Variants in BCAS3 observed in about 807,000 individuals in gnomAD.
BCAS3 encodes the protein BCAS3 microtubule associated cell migration factor, also known as BCAS4/BCAS3 fusion.
Under a neutral mutation model 116.1 loss-of-function variants are expected in BCAS3, and 53 were observed. The ratio of observed to expected loss-of-function variants is 0.46; its 90% confidence interval spans 0.37 to 0.57. The LOEUF (loss-of-function observed/expected upper bound fraction) is 0.57. BCAS3 is among the 20% of genes least tolerant of loss of function. The pLI is 0.00. For synonymous variants in BCAS3, 391 were observed against 408.2 expected (o/e 0.96, Z 0.51); for missense variants, 917 against 1,165.4 (o/e 0.79, Z 3.10).
chr17:61,350,552 A>T (rs2143329604), intron 22 of BCAS3, among the ~76,000 whole-genome samples: 1 of 152,326 alleles, frequency 6.6e-6, no homozygotes, highest in South Asian at 2.1e-4. Context: ...TTATTCACAA[A>T]GCCAAGATAT....
chr17:61,323,735 G>A lies in BCAS3; in HGVS notation c.2426-44592G>A, dbSNP rs1252451389. ...GGCCACTTCCCTCCAAGGATTCAGG[G>A]ACCATTCATCACCGTGGTGCCTAGT... On this transcript the variant is annotated intron_variant, in intron 22 of 23. Coordinates refer to ENST00000407086, the MANE Select transcript of BCAS3 (RefSeq NM_017679.5). The surrounding 1 kb of genome is among the most constrained non-coding windows in gnomAD (Gnocchi z 4.6). Among the ~76,000 whole-genome samples the A allele has an allele frequency of 6.6e-6, 1 of 152,144 alleles. No homozygotes were observed. The highest frequency in any genetic ancestry group is 1.5e-5 in the Non-Finnish European group (1 of 68,036).
intron 22 of BCAS3, among the ~76,000 whole-genome samples, chr17:61,318,156 G>A (rs954820728): frequency 2.0e-5 from 3 of 152,228 alleles, no homozygotes; most frequent in Non-Finnish European, 4.4e-5. Flanking sequence ...GCCCTGGGAG[G>A]CGACTAGAAC....
At chr17:61,116,150 G>A (rs1283935642) in intron 22 of BCAS3, among the ~76,000 whole-genome samples, 1 of 151,734 alleles carries the variant, frequency 6.6e-6, no homozygotes, top group Non-Finnish European at 1.5e-5. Context: ...TAGATAACGA[G>A]TTAGTGGGTG....
At chr17:60,740,518 A>T (rs903935929) in intron 5 of BCAS3, among the ~76,000 whole-genome samples, 1 of 151,418 alleles carries the variant, frequency 6.6e-6, no homozygotes, top group Non-Finnish European at 1.5e-5. Context: ...AAAAAAAAGA[A>T]AAAAGAAAAA....
rs567616510 is a variant in BCAS3 at position 61,332,798 on chromosome 17, G to T, written c.2426-35529G>T. Among the ~76,000 whole-genome samples, 4 of 152,028 alleles carry T rather than the reference G, an allele frequency of 2.6e-5. No homozygotes were observed. Among genetic ancestry groups the T allele is most frequent in the South Asian group, 2.1e-4 (1 of 4,808 alleles). ...GCCTGGCTAATTTTTGTATTTTTAGGAGAGACGGGGTTTCACCATGTTAGC... is the reference window on the plus strand; with the variant it reads ...GCCTGGCTAATTTTTGTATTTTTAGTAGAGACGGGGTTTCACCATGTTAGC... On this transcript the variant is annotated intron_variant, in intron 22 of 23. Transcript: ENST00000407086. This position sits in a 1 kb window ranked among gnomAD's most constrained non-coding sequence, Gnocchi z 5.4.
intron 5 of BCAS3, among the ~76,000 whole-genome samples, chr17:60,739,868 G>T (rs1287047207): frequency 4.1e-5 from 6 of 146,920 alleles, no homozygotes; most frequent in Non-Finnish European, 7.4e-5. Flanking sequence ...AGAGGTTGCT[G>T]TTTTTTTTGT....
chr17:61,251,365 T>C lies in BCAS3; in HGVS notation c.2426-116962T>C, dbSNP rs1197601239. Reference sequence around the variant, plus strand: ...CGGGCGGATCACCTGAGGTCAGAGTTTGAGACCATCCTGGCCAATATGGCG... The same window carrying C: ...CGGGCGGATCACCTGAGGTCAGAGTCTGAGACCATCCTGGCCAATATGGCG... On this transcript the variant is annotated intron_variant, in intron 22 of 23. Coordinates refer to ENST00000407086, the MANE Select transcript of BCAS3 (RefSeq NM_017679.5). The surrounding 1 kb of genome is among the most constrained non-coding windows in gnomAD (Gnocchi z 4.7). 6.6e-6 allele frequency among the ~76,000 whole-genome samples: 1 copy of C among 152,098 alleles called. No homozygotes were observed. Among genetic ancestry groups the C allele is most frequent in the African/African-American group, 2.4e-5 (1 of 41,418 alleles).
chr17:61,088,530 A>G lies in BCAS3; in HGVS notation c.2425+3966A>G, dbSNP rs898962719. The stretch of plus-strand genomic sequence containing the variant: ...TTATAACCTGTGCCCTTCTTTTGAT[A>G]AAGATGTAGGACCTCTAAAGAGAAA... On this transcript the variant is annotated intron_variant, in intron 22 of 23. Coordinates refer to ENST00000407086, the MANE Select transcript of BCAS3 (RefSeq NM_017679.5). The surrounding 1 kb of genome is among the most constrained non-coding windows in gnomAD (Gnocchi z 4.2). Among the ~76,000 whole-genome samples the G allele has an allele frequency of 3.3e-5, 5 of 152,246 alleles. No homozygotes were observed. Among genetic ancestry groups the G allele is most frequent in the Non-Finnish European group, 7.3e-5 (5 of 68,054 alleles).
At chr17:61,272,391 G>T (rs2050359837) in intron 22 of BCAS3, among the ~76,000 whole-genome samples, 1 of 151,984 alleles carries the variant, frequency 6.6e-6, no homozygotes. Context: ...CCAGCACTTT[G>T]GGAGGCTGAG....
rs1277684958 is a variant in BCAS3 at position 61,106,600 on chromosome 17, T to C, written c.2425+22036T>C. Among the ~76,000 whole-genome samples, 1 of 152,258 alleles carries C rather than the reference T, an allele frequency of 6.6e-6. No homozygotes were observed. The highest frequency in any genetic ancestry group is 1.5e-5 in the Non-Finnish European group (1 of 68,048). ...ATGCGTGGGTGTATAGTGTTGGTAC[T>C]GTCCATGGTTTCAGGCATCCACTGG... On this transcript the variant is annotated intron_variant, in intron 22 of 23. Coordinates refer to ENST00000407086, the MANE Select transcript of BCAS3 (RefSeq NM_017679.5). This position sits in a 1 kb window ranked among gnomAD's most constrained non-coding sequence, Gnocchi z 4.2.
intron 6 of BCAS3, among the ~76,000 whole-genome samples, chr17:60,750,307 G>A (rs2042348263): frequency 6.6e-6 from 1 of 152,058 alleles, no homozygotes; most frequent in African/African-American, 2.4e-5. Context: ...AAAAGTTTTA[G>A]CAAACTAGGA....
At chr17:61,135,122 T>A (rs1299774166) in intron 22 of BCAS3, among the ~76,000 whole-genome samples, 1 of 152,210 alleles carries the variant, frequency 6.6e-6, no homozygotes, top group Non-Finnish European at 1.5e-5. Context: ...ATGCTTCTTA[T>A]AATGACATGA....
intron 6 of BCAS3, among the ~76,000 whole-genome samples, chr17:60,751,566 G>A (rs2042467617): frequency 2.0e-5 from 3 of 146,362 alleles, no homozygotes; most frequent in South Asian, 4.3e-4. Flanking sequence ...TTTTGAGATG[G>A]AGTTTCACTC....
Position 60,994,106 on chromosome 17 carries a change from A to G in BCAS3, c.1486+3871A>G, listed in dbSNP as rs1331104530. ...TGAACATGGAAAATACATGACAAAA[A>G]CATTAACAGTGCTTGTGACACTGTT... On this transcript the variant is annotated intron_variant, in intron 15 of 23. Coordinates refer to ENST00000407086, the MANE Select transcript of BCAS3 (RefSeq NM_017679.5). This position sits in a 1 kb window ranked among gnomAD's most constrained non-coding sequence, Gnocchi z 4.4. Among the ~76,000 whole-genome samples, 1 of 152,102 alleles carries G rather than the reference A, an allele frequency of 6.6e-6. No homozygotes were observed. Among genetic ancestry groups the G allele is most frequent in the African/African-American group, 2.4e-5 (1 of 41,442 alleles).
At chr17:60,934,157 T>C (rs1043429493) in intron 13 of BCAS3, among the ~76,000 whole-genome samples, 1 of 151,946 alleles carries the variant, frequency 6.6e-6, no homozygotes, top group African/African-American at 2.4e-5. Flanking sequence ...AGTAAAAAAA[T>C]ATAACTTTAA....
rs961686609 is a variant in BCAS3 at position 61,325,822 on chromosome 17, G to T, written c.2426-42505G>T. Among the ~76,000 whole-genome samples, 1 of 152,130 alleles carries T rather than the reference G, an allele frequency of 6.6e-6. No individual in the cohort carries two copies. Among genetic ancestry groups the T allele is most frequent in the African/African-American group, 2.4e-5 (1 of 41,434 alleles). On this transcript the variant is annotated intron_variant, in intron 22 of 23. Transcript: ENST00000407086. The surrounding 1 kb of genome is among the most constrained non-coding windows in gnomAD (Gnocchi z 6.4). ...CCTGGTCTTGGTGGCAAGATAAACAGGATAGGGTGGTCCCTGGGGACAGTC... is the reference window on the plus strand; with the variant it reads ...CCTGGTCTTGGTGGCAAGATAAACATGATAGGGTGGTCCCTGGGGACAGTC...
rs1283602099 is a variant in BCAS3 at position 61,265,287 on chromosome 17, C to G, written c.2426-103040C>G. 3.3e-5 allele frequency among the ~76,000 whole-genome samples: 5 copies of G among 152,070 alleles called. No individual in the cohort carries two copies. Among genetic ancestry groups the G allele is most frequent in the African/African-American group, 4.8e-5 (2 of 41,410 alleles). On this transcript the variant is annotated intron_variant, in intron 22 of 23. Transcript: ENST00000407086. This position sits in a 1 kb window ranked among gnomAD's most constrained non-coding sequence, Gnocchi z 4.3. ...AATTAGCCGGCATGGTGGCGCATGC[C>G]TGTAATCCCGGGAGGTTGAGGCAGG... is the stretch of plus-strand genomic sequence containing the variant.
chr17:61,322,832 G>GAGAGAGAGAGAGAGAGAGAGAC (rs2055380275), intron 22 of BCAS3, among the ~76,000 whole-genome samples: 4 of 119,848 alleles, frequency 3.3e-5, no homozygotes, highest in Admixed American at 8.9e-5. Context: ...GAGAGAGACA[G>GAGAGAGAGAGAGAGAGAGAGAC]AGAGAGAGAG....
chr17:61,186,882 T>C lies in BCAS3; in HGVS notation c.2425+102318T>C, dbSNP rs2079809626. ...CCCGCCACCATGTCCAGCTAATTTT[T>C]TGTATTTTTAATAGAGACAGGGTTT... On this transcript the variant is annotated intron_variant, in intron 22 of 23. Transcript: ENST00000407086. The surrounding 1 kb of genome is among the most constrained non-coding windows in gnomAD (Gnocchi z 4.9). 6.6e-6 allele frequency among the ~76,000 whole-genome samples: 1 copy of C among 152,162 alleles called. No homozygotes were observed. Among genetic ancestry groups the C allele is most frequent in the African/African-American group, 2.4e-5 (1 of 41,444 alleles).
Sources: gnomAD v4.1 joint callset for allele counts (sites outside exome capture counted in the v4.1 genomes callset) on GRCh38, gnomAD v4.1.1 for gene constraint, Gnocchi (gnomAD v3.1) non-coding constraint, MANE v1.5 for transcripts, NCBI Gene and HGNC (gene_info 2026-07-23, HGNC 2026-07-21) for gene names.